The following RAI1 variants were observed in gnomAD, a reference collection of about 807,000 sequenced individuals.
The protein encoded by RAI1 is retinoic acid-induced protein 1.
A neutral mutation model predicts 123.8 loss-of-function variants in RAI1; 9 were observed. The observed-to-expected ratio is 0.07, with a 90% CI of 0.04 to 0.13. The LOEUF is 0.13. RAI1 is among the 10% of genes least tolerant of loss of function. The pLI is 1.00. For missense variants in RAI1, 2,256 were observed against 2,545.8 expected, an observed-to-expected ratio of 0.89 and a Z score of 2.45; for synonymous variants, 1,231 against 1,127.3, an observed-to-expected ratio of 1.09 and a Z score of -1.84.
In RAI1 at chr17:17,796,376, C is replaced by T; in HGVS notation, c.3428C>T (p.Ser1143Phe). 6.2e-7 allele frequency: 1 copy of T among 1,613,722 alleles called. No homozygotes were observed. Among genetic ancestry groups the T allele is most frequent in the Non-Finnish European group, 8.5e-7 (1 of 1,180,010 alleles). ...AGCACGCCTGGCAAGGACCAGCGCT[C>T]CATGATCCTTCGGTCACGCACCAAA... The part of the protein sequence containing the change: ...SPSTPGKDQR[S>F]MILRSRTKTQ... The change falls in exon 3 of 6, where the codon TCC (serine) becomes TTC (phenylalanine). Residue 1143 changes from serine (S) to phenylalanine (F), a missense_variant. Coordinates refer to ENST00000353383, the MANE Select transcript of RAI1 (RefSeq NM_030665.4). The surrounding 1 kb of genome is among the most constrained non-coding windows in gnomAD (Gnocchi z 5.8).
intron 4 of RAI1, among the ~76,000 whole-genome samples, chr17:17,807,250 G>C (rs1382558807): frequency 6.8e-6 from 1 of 147,480 alleles, no homozygotes; most frequent in Non-Finnish European, 1.5e-5. Context: ...GCCAGGCGGT[G>C]GGGGGGGCGG....
At chr17:17,701,476 C>G (rs914899321) in intron 1 of RAI1, among the ~76,000 whole-genome samples, 1 of 152,224 alleles carries the variant, frequency 6.6e-6, no homozygotes, top group Non-Finnish European at 1.5e-5. Context: ...CCTTCTCTCA[C>G]TCTTCTCTTT....
intron 2 of RAI1, among the ~76,000 whole-genome samples, chr17:17,782,529 G>A (rs2031626568): frequency 6.6e-6 from 1 of 151,546 alleles, no homozygotes; most frequent in Non-Finnish European, 1.5e-5. Context: ...GCATCTGGCA[G>A]TGGCCCCCCG....
At chr17:17,768,807 G>A (rs1474166123) in intron 2 of RAI1, among the ~76,000 whole-genome samples, 5 of 152,246 alleles carry the variant, frequency 3.3e-5, no homozygotes, top group Non-Finnish European at 7.3e-5. Flanking sequence ...TGGCGGCTGC[G>A]GCTGGTGTTA....
At chr17:17,716,303 T>C (rs1359355710) in intron 1 of RAI1, among the ~76,000 whole-genome samples, 1 of 152,204 alleles carries the variant, frequency 6.6e-6, no homozygotes, top group African/African-American at 2.4e-5. Flanking sequence ...AAAAGATGTG[T>C]GAAGGCAGGT....
chr17:17,811,403 G>GAA lies in RAI1; in HGVS notation c.*1439_*1440dup, dbSNP rs34061744. ...GAGTAAAAAACAGTCATTGCATTCA[G>GAA]AAAAAAAAAAAAAAAAAAGTCAATA... On this transcript the variant is annotated 3_prime_UTR_variant, in exon 6 of 6. Coordinates refer to ENST00000353383, the MANE Select transcript of RAI1 (RefSeq NM_030665.4). 0.019 allele frequency: 3,142 copies of GAA among 163,050 alleles called. 6 individuals carry two copies. Among genetic ancestry groups the GAA allele is most frequent in the South Asian group, 0.029 (339 of 11,892 alleles). The allele number at this position is 163,050 out of a possible 1,614,324, so 10.1% of individuals were successfully genotyped here.
Position 17,810,669 on chromosome 17 carries a change from T to A in RAI1, c.*688T>A, listed in dbSNP as rs918300252. 9 of 368,494 alleles carry A rather than the reference T, an allele frequency of 2.4e-5. No homozygotes were observed. Among genetic ancestry groups the A allele is most frequent in the African/African-American group, 1.5e-4 (7 of 47,364 alleles). 22.8% of individuals were successfully genotyped at this position (368,494 alleles called of 1,614,324 possible). A position where few individuals can be genotyped will look rare whatever the true frequency, so the allele number is the denominator to read the frequency against. On this transcript the variant is annotated 3_prime_UTR_variant, in exon 6 of 6. Coordinates refer to ENST00000353383, the MANE Select transcript of RAI1 (RefSeq NM_030665.4). The surrounding 1 kb of genome is among the most constrained non-coding windows in gnomAD (Gnocchi z 4.6). Reference sequence around the variant, plus strand: ...GACCTGGGCTATGCTCAGTTAGGGGTTGCGGGATCCCCGAGTGTGGGCGGG... The same window carrying A: ...GACCTGGGCTATGCTCAGTTAGGGGATGCGGGATCCCCGAGTGTGGGCGGG...
intron 2 of RAI1, among the ~76,000 whole-genome samples, chr17:17,733,034 A>G (rs1916318556): frequency 6.6e-6 from 1 of 152,048 alleles, no homozygotes; most frequent in Non-Finnish European, 1.5e-5. Flanking sequence ...TTGCAGGGCC[A>G]CACACCCACA....
chr17:17,760,198 G>A (rs186383600), intron 2 of RAI1, among the ~76,000 whole-genome samples: 1 of 152,178 alleles, frequency 6.6e-6, no homozygotes, highest in Non-Finnish European at 1.5e-5. Context: ...GAGCAGTGCT[G>A]TAATGGTGGA....
At chr17:17,718,204 C>T (rs1915770182) in intron 1 of RAI1, among the ~76,000 whole-genome samples, 1 of 151,988 alleles carries the variant, frequency 6.6e-6, no homozygotes, top group South Asian at 2.1e-4. Flanking sequence ...CCAGAACCTG[C>T]ATGGGTCGGG....
chr17:17,755,862 T>A (rs1160669825), intron 2 of RAI1, among the ~76,000 whole-genome samples: 1 of 152,186 alleles, frequency 6.6e-6, no homozygotes, highest in Non-Finnish European at 1.5e-5. Context: ...CCTCACAGCT[T>A]GGGCAGGGCT....
At chr17:17,783,806 C>T (rs934194289) in intron 2 of RAI1, among the ~76,000 whole-genome samples, 1 of 152,122 alleles carries the variant, frequency 6.6e-6, no homozygotes, top group Admixed American at 6.5e-5. Flanking sequence ...GGGTTAATGG[C>T]CTAGTCGCAG....
At chr17:17,739,144 C>A (rs1916534427) in intron 2 of RAI1, among the ~76,000 whole-genome samples, 1 of 152,186 alleles carries the variant, frequency 6.6e-6, no homozygotes, top group Non-Finnish European at 1.5e-5. Context: ...GCATATTGCT[C>A]ACACACTGGG....
Position 17,794,798 on chromosome 17 carries a change from C to A in RAI1, c.1850C>A (p.Ala617Asp), listed in dbSNP as rs549244691. 1.1e-4 allele frequency: 175 copies of A among 1,613,136 alleles called. 2 individuals are homozygous for A. The South Asian group carries it at 1.6e-3, about 15-fold the overall frequency. The change falls in exon 3 of 6, where the codon GCC (alanine) becomes GAC (aspartate). Residue 617 changes from alanine to aspartate, a missense_variant. This residue lies in a region of RAI1 where 357 missense variants were observed against 480.2 expected (regional missense o/e 0.74). Coordinates refer to ENST00000353383, the MANE Select transcript of RAI1 (RefSeq NM_030665.4). ...LASEILGLQE[A>D]IGEKADKAWA... is the part of the protein sequence containing the mutation. ...TCCGAGATCCTGGGGCTGCAGGAAGCCATCGGTGAGAAGGCCGACAAAGCT... is the reference window on the plus strand; with the variant it reads ...TCCGAGATCCTGGGGCTGCAGGAAGACATCGGTGAGAAGGCCGACAAAGCT...
chr17:17,765,230 G>A (rs1288141130), intron 2 of RAI1, among the ~76,000 whole-genome samples: 1 of 152,238 alleles, frequency 6.6e-6, no homozygotes, highest in African/African-American at 2.4e-5. Flanking sequence ...CCTGTATGTG[G>A]AGTTCCCATT....
At chr17:17,729,692 G>A (rs1916208560) in intron 2 of RAI1, among the ~76,000 whole-genome samples, 1 of 152,244 alleles carries the variant, frequency 6.6e-6, no homozygotes, top group Admixed American at 6.5e-5. Flanking sequence ...AGGCCCATTT[G>A]TGCATTTGTG....
intron 2 of RAI1, among the ~76,000 whole-genome samples, chr17:17,756,377 A>AT (rs1420400308): frequency 1.3e-5 from 2 of 151,886 alleles, no homozygotes; most frequent in Non-Finnish European, 2.9e-5. Context: ...TTGTATTTTT[A>AT]TTAGAGACAG....
In RAI1 at chr17:17,797,392, A is replaced by G. The variant is rs2032301462; in HGVS notation, c.4444A>G (p.Ser1482Gly). ...ALLLTPRDRA[S>G]GTQGASEDNS... ...GCTCCTGACTCCCCGAGACAGGGCC[A>G]GTGGCACACAAGGGGCCAGTGAGGA... Residue 1482 changes from serine to glycine, a missense_variant, in exon 3 of 6, where the codon AGT (serine) becomes GGT (glycine). Around this residue, in one of 7 missense-constraint regions of RAI1, gnomAD observed 410 missense variants for 374.6 expected, o/e 1.09. Coordinates refer to ENST00000353383, the MANE Select transcript of RAI1 (RefSeq NM_030665.4). 3.1e-6 allele frequency: 5 copies of G among 1,612,728 alleles called. No individual in the cohort carries two copies. The highest frequency in any genetic ancestry group is 1.3e-5 in the African/African-American group (1 of 74,852).
chr17:17,793,134 C>A lies in RAI1; in HGVS notation c.186C>A (p.Gly62=), dbSNP rs202240310. The part of the protein sequence containing the change: ...NPQPYPSYEG[G]AGTPSGTAAA... The stretch of plus-strand genomic sequence containing the variant: ...AGCCTTACCCGAGCTATGAGGGTGG[C>A]GCTGGCACGCCCTCTGGCACTGCAG... Residue 62 remains glycine, a synonymous_variant, in exon 3 of 6, where the codon GGC becomes GGA. Coordinates refer to ENST00000353383, the MANE Select transcript of RAI1 (RefSeq NM_030665.4). 36 of 1,613,868 alleles carry A rather than the reference C, an allele frequency of 2.2e-5. No individual in the cohort carries two copies. In the South Asian group the frequency reaches 3.7e-4, roughly 17 times the overall value.
Sources: allele counts gnomAD v4.1 joint callset (sites outside exome capture counted in the v4.1 genomes callset), GRCh38; gene constraint gnomAD v4.1.1; regional missense constraint gnomAD v4.1.1; non-coding constraint Gnocchi (gnomAD v3.1); transcripts MANE v1.5; gene names NCBI Gene and HGNC (gene_info 2026-07-23, HGNC 2026-07-21).